Variants in ATP8A2 observed in about 807,000 individuals in gnomAD.
ATP8A2 encodes phospholipid-transporting ATPase IB.
Under a neutral mutation model 165.6 loss-of-function variants are expected in ATP8A2, and 100 were observed. The observed-to-expected ratio is 0.60, with a 90% CI of 0.51 to 0.71. The LOEUF is 0.71. Among genes scored for constraint, ATP8A2 ranks in the 30% least tolerant of loss-of-function variants. ATP8A2 has a pLI of 0.00. For synonymous variants in ATP8A2, 543 were observed against 548.8 expected (o/e 0.99, Z 0.15); for missense variants, 1,227 against 1,479.5 (o/e 0.83, Z 2.80).
chr13:25,496,972 A>G (rs1184585419), intron 2 of ATP8A2, among the ~76,000 whole-genome samples: 2 of 152,194 alleles, frequency 1.3e-5, no homozygotes, highest in Admixed American at 6.5e-5. Context: ...TGGCTGGCAC[A>G]GTGCTGAAGT....
At chr13:25,594,982 G>GTATATATATA (rs1275140289) in intron 24 of ATP8A2, among the ~76,000 whole-genome samples, 7 of 82,512 alleles carry the variant, frequency 8.5e-5, no homozygotes, top group African/African-American at 3.3e-4. Flanking sequence ...GTGTGTGTGT[G>GTATATATATA]TGTATATATA....
chr13:25,423,374 C>G (rs111917912), intron 1 of ATP8A2, among the ~76,000 whole-genome samples: 64 of 152,280 alleles, frequency 4.2e-4, no homozygotes, highest in African/African-American at 1.4e-3. Flanking sequence ...TGAAATGAAT[C>G]TGCGTTAATA....
At chr13:25,528,655 G>T (rs2037917057) in intron 2 of ATP8A2, among the ~76,000 whole-genome samples, 2 of 152,026 alleles carry the variant, frequency 1.3e-5, no homozygotes, top group Admixed American at 1.3e-4. Context: ...AAACCTGCTA[G>T]ATAATCTTTT....
At chr13:25,774,752 C>T in intron 26 of ATP8A2, 97 bp from the exon 27 acceptor site, 1 of 694,936 alleles carries the variant, frequency 1.4e-6, no homozygotes, top group East Asian at 2.7e-5. Context: ...GTTTCCTCTA[C>T]CTACATTATC....
chr13:25,429,039 G>A (rs866847265), intron 1 of ATP8A2, among the ~76,000 whole-genome samples: 12 of 151,250 alleles, frequency 7.9e-5, no homozygotes, highest in South Asian at 2.1e-4. Flanking sequence ...GCTATCTGCT[G>A]CCATACCAGG....
chr13:25,828,178 G>A lies in ATP8A2; in HGVS notation c.2740G>A (p.Gly914Ser), dbSNP rs746683633. ...GQILFERWCI[G>S]LYNVIFTALP... ...GATTTTATTTGAACGTTGGTGCATCGGCCTGTACAATGTGGTAAGCATTCT... is the reference window on the plus strand; with the variant it reads ...GATTTTATTTGAACGTTGGTGCATCAGCCTGTACAATGTGGTAAGCATTCT... Residue 914 changes from glycine to serine, a missense_variant, in exon 28 of 37, where the codon GGC (glycine) becomes AGC (serine). Transcript: ENST00000381655. The A allele has an allele frequency of 3.7e-6, 6 of 1,613,580 alleles. No individual in the cohort carries two copies. Among genetic ancestry groups the A allele is most frequent in the Admixed American group, 1.7e-5 (1 of 59,988 alleles).
chr13:25,547,094 C>T (rs2038675622), intron 10 of ATP8A2, among the ~76,000 whole-genome samples: 1 of 151,844 alleles, frequency 6.6e-6, no homozygotes, highest in Non-Finnish European at 1.5e-5. Context: ...TGTGCTGCTG[C>T]CCTCCAGCCT....
rs139534894 is a variant in ATP8A2 at position 25,470,328 on chromosome 13, C to G, written c.221+1207C>G. Among the ~76,000 whole-genome samples the G allele has an allele frequency of 2.0e-3, 311 of 152,232 alleles. 7 individuals carry two copies. The East Asian group carries it at 0.029, about 14-fold the overall frequency. On this transcript the variant is annotated intron_variant, in intron 2 of 36. Transcript: ENST00000381655. ...GTAATTTAGAAGAATAGCTGAGTCC[C>G]CATTTCAGAATGTGTGGGCTTCGTT...
chr13:25,727,571 A>C (rs534283881), intron 25 of ATP8A2, among the ~76,000 whole-genome samples: 65 of 152,292 alleles, frequency 4.3e-4, no homozygotes, highest in African/African-American at 1.5e-3. Flanking sequence ...ATCCGGAATA[A>C]ACTTTCCCAG....
At chr13:25,470,990 G>A (rs967738823) in intron 2 of ATP8A2, among the ~76,000 whole-genome samples, 2 of 152,118 alleles carry the variant, frequency 1.3e-5, no homozygotes, top group African/African-American at 4.8e-5. Context: ...AATGGGGAAT[G>A]ACTGTGAATG....
intron 1 of ATP8A2, among the ~76,000 whole-genome samples, chr13:25,411,748 C>T (rs766833888): frequency 6.6e-5 from 10 of 151,992 alleles, no homozygotes; most frequent in African/African-American, 2.2e-4. Context: ...AAAAATTGGC[C>T]GATACTGGAA....
intron 23 of ATP8A2, among the ~76,000 whole-genome samples, chr13:25,587,855 C>G (rs2039966944): frequency 6.6e-6 from 1 of 152,172 alleles, no homozygotes; most frequent in South Asian, 2.1e-4. Context: ...CCAGGCAGAG[C>G]TTTTAATGGC....
chr13:25,838,145 T>A (rs759268700), intron 29 of ATP8A2, among the ~76,000 whole-genome samples: 4 of 152,192 alleles, frequency 2.6e-5, no homozygotes, highest in Non-Finnish European at 5.9e-5. Context: ...TGTGTGCTGG[T>A]GGCGGTCATG....
At chr13:25,978,775 C>T (rs1372157666) in intron 35 of ATP8A2, among the ~76,000 whole-genome samples, 3 of 152,032 alleles carry the variant, frequency 2.0e-5, no homozygotes, top group Admixed American at 6.6e-5. Flanking sequence ...CCCGTCTCTA[C>T]TAAAAATACA....
rs182919787 is a variant in ATP8A2 at position 25,522,887 on chromosome 13, G to A, written c.222-7112G>A. ...GCCTGTAATCCCAGCACTTTGGGAGGCCAAGTTGGGTGAATCACTTGAGAT... is the reference window on the plus strand; with the variant it reads ...GCCTGTAATCCCAGCACTTTGGGAGACCAAGTTGGGTGAATCACTTGAGAT... On this transcript the variant is annotated intron_variant, in intron 2 of 36. Coordinates refer to ENST00000381655, the MANE Select transcript of ATP8A2 (RefSeq NM_016529.6). Among the ~76,000 whole-genome samples the A allele has an allele frequency of 3.0e-3, 460 of 152,228 alleles. 1 individual carries two copies. The highest frequency in any genetic ancestry group is 4.9e-3 in the Non-Finnish European group (330 of 67,998).
chr13:25,461,260 G>C (rs561069683), intron 1 of ATP8A2, among the ~76,000 whole-genome samples: 23 of 152,158 alleles, frequency 1.5e-4, no homozygotes, highest in African/African-American at 5.1e-4. Flanking sequence ...TCTTGAAAAG[G>C]CCTTCGAAAT....
chr13:25,529,183 G>A (rs1281627441), intron 2 of ATP8A2, among the ~76,000 whole-genome samples: 2 of 152,208 alleles, frequency 1.3e-5, no homozygotes, highest in Admixed American at 1.3e-4. Flanking sequence ...GATGTCTTCA[G>A]AGGGTGAGCT....
intron 17 of ATP8A2, 67 bp from the exon 18 acceptor site, chr13:25,571,542 AG>A: frequency 8.4e-7 from 1 of 1,197,604 alleles, no homozygotes; most frequent in Non-Finnish European, 1.2e-6. Flanking sequence ...TAATTTGAAA[AG>A]TGACACTAAA....
intron 30 of ATP8A2, among the ~76,000 whole-genome samples, chr13:25,839,842 A>C (rs548784229): frequency 6.6e-6 from 1 of 152,268 alleles, no homozygotes; most frequent in South Asian, 2.1e-4. Context: ...TTTCCAGTTG[A>C]CTGGATAGTT....
Sources: allele counts gnomAD v4.1 joint callset (sites outside exome capture counted in the v4.1 genomes callset), GRCh38; gene constraint gnomAD v4.1.1; transcripts MANE v1.5; gene names NCBI Gene and HGNC (gene_info 2026-07-23, HGNC 2026-07-21).